The following PLCB1 variants were observed in gnomAD, a reference collection of about 807,000 sequenced individuals.
PLCB1 encodes the protein 1-phosphatidylinositol 4,5-bisphosphate phosphodiesterase beta-1.
Under a neutral mutation model 161.8 loss-of-function variants are expected in PLCB1, and 46 were observed. The observed-to-expected ratio is 0.28, with a 90% CI of 0.22 to 0.36. The LOEUF (loss-of-function observed/expected upper bound fraction) is 0.36. PLCB1 is among the 10% of genes least tolerant of loss of function. PLCB1 has a pLI of 1.00. For synonymous variants in PLCB1, 517 were observed against 503.7 expected (o/e 1.03, Z -0.35); for missense variants, 1,016 against 1,472.5 (o/e 0.69, Z 5.07).
At chr20:8,181,251 A>G (rs2051840863) in intron 2 of PLCB1, among the ~76,000 whole-genome samples, 1 of 122,042 alleles carries the variant, frequency 8.2e-6, no homozygotes, top group Admixed American at 7.9e-5. Context: ...TCTGTCTCAA[A>G]AAAAAAAAAA....
chr20:8,794,403 C>A (rs1391807531), intron 31 of PLCB1, among the ~76,000 whole-genome samples: 2 of 152,202 alleles, frequency 1.3e-5, no homozygotes, highest in African/African-American at 4.8e-5. Context: ...TCTTCACAAT[C>A]CACGTTCTTC....
chr20:8,875,331 A>G (rs1987740925), intron 31 of PLCB1, among the ~76,000 whole-genome samples: 1 of 149,816 alleles, frequency 6.7e-6, no homozygotes, highest in African/African-American at 2.4e-5. Flanking sequence ...GACAGAAGCA[A>G]ATAACAAGCA....
chr20:8,741,118 T>A (rs1347206212), intron 22 of PLCB1, among the ~76,000 whole-genome samples: 1 of 152,144 alleles, frequency 6.6e-6, no homozygotes, highest in Non-Finnish European at 1.5e-5. Context: ...GATGGGACCT[T>A]CAAAAAGAAA....
chr20:8,847,167 G>C (rs6140765), intron 31 of PLCB1, among the ~76,000 whole-genome samples: 25,762 of 152,070 alleles, frequency 0.17, 2,307 homozygotes, highest in South Asian at 0.23. Flanking sequence ...ACACTAGCAA[G>C]ATTCTCACAC....
intron 2 of PLCB1, among the ~76,000 whole-genome samples, chr20:8,285,292 A>G (rs6133568): frequency 6.7e-6 from 1 of 149,492 alleles, no homozygotes; most frequent in Non-Finnish European, 1.5e-5. Context: ...ATATATTTAT[A>G]TCTATATACA....
intron 2 of PLCB1, among the ~76,000 whole-genome samples, chr20:8,287,443 G>C (rs1169162111): frequency 6.6e-6 from 1 of 152,128 alleles, no homozygotes; most frequent in Non-Finnish European, 1.5e-5. Flanking sequence ...ACCTCATCTT[G>C]TCCCCAGGAG....
chr20:8,324,199 GGTGTGTGTGTGTGTGT>G lies in PLCB1; in HGVS notation c.178-47157_178-47142del, dbSNP rs60079589. Among the ~76,000 whole-genome samples, 833 of 147,102 alleles carry G rather than the reference GGTGTGTGTGTGTGTGT, an allele frequency of 5.7e-3. 6 individuals are homozygous for G. The highest frequency in any genetic ancestry group is 0.012 in the African/African-American group (487 of 39,876). On this transcript the variant is annotated intron_variant, in intron 2 of 31. Coordinates refer to ENST00000338037, the MANE Select transcript of PLCB1 (RefSeq NM_015192.4). ...AGTTCACAGTCTCTAAACTGGTAGG[GGTGTGTGTGTGTGTGT>G]GTGTGTGTGTGTGTGTGTGTGTGTG...
intron 31 of PLCB1, among the ~76,000 whole-genome samples, chr20:8,797,767 A>G (rs749323308): frequency 6.6e-5 from 10 of 152,246 alleles, no homozygotes; most frequent in African/African-American, 9.6e-5. Flanking sequence ...CAAAGGGTGA[A>G]CACACAATTT....
chr20:8,328,873 T>C (rs1985258016), intron 2 of PLCB1, among the ~76,000 whole-genome samples: 1 of 152,136 alleles, frequency 6.6e-6, no homozygotes, highest in East Asian at 1.9e-4. Flanking sequence ...TAATTAGACA[T>C]CTAGTCAATT....
At chr20:8,503,395 C>T (rs1983507498) in intron 3 of PLCB1, among the ~76,000 whole-genome samples, 1 of 152,126 alleles carries the variant, frequency 6.6e-6, no homozygotes, top group Non-Finnish European at 1.5e-5. Flanking sequence ...CTTCTACACA[C>T]TATTCAATAC....
At chr20:8,658,183 A>G (rs769411260) in intron 8 of PLCB1, among the ~76,000 whole-genome samples, 1 of 152,156 alleles carries the variant, frequency 6.6e-6, no homozygotes, top group African/African-American at 2.4e-5. Context: ...AGATATATGG[A>G]GTTGGATGAT....
intron 3 of PLCB1, among the ~76,000 whole-genome samples, chr20:8,612,374 A>C (rs974894269): frequency 2.6e-5 from 4 of 152,182 alleles, no homozygotes; most frequent in African/African-American, 9.6e-5. Context: ...TCCACAAGTC[A>C]GCTTTGAAGA....
chr20:8,445,151 G>T (rs1382312438), intron 3 of PLCB1, among the ~76,000 whole-genome samples: 1 of 152,106 alleles, frequency 6.6e-6, no homozygotes, highest in Non-Finnish European at 1.5e-5. Context: ...TATTGCCTAG[G>T]TTTTCTTCTA....
chr20:8,428,484 G>A (rs976052700), intron 3 of PLCB1, among the ~76,000 whole-genome samples: 1 of 152,204 alleles, frequency 6.6e-6, no homozygotes, highest in African/African-American at 2.4e-5. Flanking sequence ...GCCTCCCAAA[G>A]TGTTGGGATT....
chr20:8,477,549 A>G (rs1277066947), intron 3 of PLCB1, among the ~76,000 whole-genome samples: 2 of 152,222 alleles, frequency 1.3e-5, no homozygotes, highest in Non-Finnish European at 2.9e-5. Context: ...TTAGAAATTT[A>G]GTAATTTAGA....
chr20:8,489,272 C>T (rs1161377578), intron 3 of PLCB1, among the ~76,000 whole-genome samples: 2 of 152,010 alleles, frequency 1.3e-5, no homozygotes, highest in East Asian at 1.9e-4. Flanking sequence ...GGTGTATTTG[C>T]GTGGCAGGAC....
At chr20:8,245,344 A>G (rs1434836723) in intron 2 of PLCB1, among the ~76,000 whole-genome samples, 1 of 151,896 alleles carries the variant, frequency 6.6e-6, no homozygotes, top group African/African-American at 2.4e-5. Context: ...ACATTCATAG[A>G]TAAGTACAGC....
chr20:8,316,873 G>A (rs890972993), intron 2 of PLCB1, among the ~76,000 whole-genome samples: 5 of 151,944 alleles, frequency 3.3e-5, no homozygotes, highest in Non-Finnish European at 5.9e-5. Context: ...TCCCCTCACG[G>A]CATTTATCAC....
At chr20:8,180,408 A>G (rs767264310) in intron 2 of PLCB1, among the ~76,000 whole-genome samples, 1 of 152,148 alleles carries the variant, frequency 6.6e-6, no homozygotes, top group Non-Finnish European at 1.5e-5. Context: ...ATTGGCCTGA[A>G]GTTTTCCTTT....
Sources: allele counts gnomAD v4.1 joint callset (sites outside exome capture counted in the v4.1 genomes callset), GRCh38; gene constraint gnomAD v4.1.1; transcripts MANE v1.5; gene names NCBI Gene and HGNC (gene_info 2026-07-23, HGNC 2026-07-21).